Variants in DCBLD2 observed in about 807,000 individuals in gnomAD.
The protein encoded by DCBLD2 is discoidin, CUB and LCCL domain-containing protein 2.
DCBLD2 carries 54 observed loss-of-function variants against 86.8 expected under a neutral mutation model. That is an observed-to-expected ratio of 0.62 (90% CI 0.50 to 0.78). The LOEUF (loss-of-function observed/expected upper bound fraction) is 0.78, where lower values mean the gene tolerates loss of function less well. Ranked by LOEUF, DCBLD2 falls within the 30% of genes least tolerant of loss-of-function variation. The probability of loss-of-function intolerance (pLI) is 0.00; values close to 1 mark genes in which losing one functional copy is unlikely to be tolerated. For missense variants in DCBLD2, 908 were observed against 954.2 expected, an observed-to-expected ratio of 0.95 and a Z score of 0.64; for synonymous variants, 354 against 341.3, an observed-to-expected ratio of 1.04 and a Z score of -0.41.
intron 1 of DCBLD2, among the ~76,000 whole-genome samples, chr3:98,893,947 T>C (rs1306840000): frequency 6.6e-6 from 1 of 152,200 alleles, no homozygotes; most frequent in Non-Finnish European, 1.5e-5. Context: ...CCAGACCTCA[T>C]TTGTGGCAGA....
chr3:98,818,411 T>G (rs1054690419), intron 8 of DCBLD2, among the ~76,000 whole-genome samples: 2 of 152,206 alleles, frequency 1.3e-5, no homozygotes, highest in African/African-American at 4.8e-5. Context: ...GACCGTTATT[T>G]TAGATGTCTC....
chr3:98,877,146 T>C (rs1327439733), intron 2 of DCBLD2, among the ~76,000 whole-genome samples: 2 of 152,110 alleles, frequency 1.3e-5, no homozygotes, highest in Non-Finnish European at 2.9e-5. Flanking sequence ...TGTTAATGTT[T>C]AACATATTCA....
In DCBLD2 at chr3:98,811,534, G is replaced by C. The variant is rs1559770270; in HGVS notation, c.1384C>G (p.Gln462Glu). ...IPKGRPPKLT[Q>E]PPPPRNSNDL... The stretch of plus-strand genomic sequence containing the variant: ...TTGCTGTTCCGAGGAGGTGGAGGTT[G>C]AGTAAGTTTTGGAGGACGACCTTGA... Residue 462 changes from glutamine (Q) to glutamate (E), a missense_variant, in exon 11 of 16, where the codon CAA (glutamine) becomes GAA (glutamate). By Grantham distance (29) the Gln-to-Glu change is conservative. This residue lies in a region of DCBLD2 where 606 missense variants were observed against 678.5 expected (regional missense o/e 0.89). Coordinates refer to ENST00000326840, the MANE Select transcript of DCBLD2 (RefSeq NM_080927.4). The C allele has an allele frequency of 1.9e-6, 3 of 1,586,080 alleles. No individual in the cohort carries two copies. Among genetic ancestry groups the C allele is most frequent in the Non-Finnish European group, 2.6e-6 (3 of 1,169,098 alleles).
intron 7 of DCBLD2, 120 bp downstream of exon 7, chr3:98,820,128 C>G: frequency 3.9e-6 from 2 of 514,404 alleles, no homozygotes; most frequent in Non-Finnish European, 6.2e-6. Flanking sequence ...TATCTTACCT[C>G]ATAGTGTTAT....
intron 13 of DCBLD2, among the ~76,000 whole-genome samples, chr3:98,803,790 T>C (rs1183643996): frequency 1.3e-5 from 2 of 152,150 alleles, no homozygotes; most frequent in African/African-American, 2.4e-5. Context: ...TTTTCTGCAT[T>C]TATTGAGATA....
chr3:98,819,610 A>G (rs1365139746), intron 7 of DCBLD2, among the ~76,000 whole-genome samples, 193 bp from the exon 8 acceptor site: 2 of 152,216 alleles, frequency 1.3e-5, no homozygotes, highest in African/African-American at 4.8e-5. Context: ...GGAAACCTAC[A>G]AACATGCTCA....
chr3:98,799,637 T>C lies in DCBLD2; in HGVS notation c.2063A>G (p.His688Arg), dbSNP rs1941678592. The C allele has an allele frequency of 6.2e-7, 1 of 1,613,834 alleles. No individual in the cohort carries two copies. Among genetic ancestry groups the C allele is most frequent in the Non-Finnish European group, 8.5e-7 (1 of 1,179,880 alleles). The change falls in exon 16 of 16, where the codon CAC (histidine) becomes CGC (arginine). Residue 688 changes from histidine (H) to arginine (R), a missense_variant. Physicochemically the swap from His to Arg is conservative, Grantham distance 29 (BLOSUM62 0). Transcript: ENST00000326840. ...GGGCTGACCAACTGAAGTTGTGGGG[T>C]GCCCTGACATGTCCATGATGATTGG... ...ATPIIMDMSG[H>R]PTTSVGQPST...
intron 2 of DCBLD2, among the ~76,000 whole-genome samples, chr3:98,860,626 G>C (rs1280209547): frequency 6.6e-6 from 1 of 152,174 alleles, no homozygotes; most frequent in Non-Finnish European, 1.5e-5. Flanking sequence ...GCCAAACTAA[G>C]CTTCATAAGT....
chr3:98,863,792 C>A (rs966029008), intron 2 of DCBLD2, among the ~76,000 whole-genome samples: 6 of 152,202 alleles, frequency 3.9e-5, no homozygotes, highest in African/African-American at 1.4e-4. Context: ...CCATTCAGGA[C>A]ATAGGCATGG....
chr3:98,802,763 A>G (rs896371567), intron 13 of DCBLD2, among the ~76,000 whole-genome samples: 1 of 152,228 alleles, frequency 6.6e-6, no homozygotes, highest in South Asian at 2.1e-4. Context: ...AGCTTTCTAC[A>G]TATGGCTAGC....
chr3:98,866,947 C>T (rs1338140299), intron 2 of DCBLD2, among the ~76,000 whole-genome samples: 1 of 152,176 alleles, frequency 6.6e-6, no homozygotes, highest in Non-Finnish European at 1.5e-5. Context: ...TTCCCAGAAC[C>T]ATTTATTAAA....
At chr3:98,801,808 T>C in intron 13 of DCBLD2, 159 bp from the exon 14 acceptor site, 3 of 525,158 alleles carry the variant, frequency 5.7e-6, no homozygotes, top group Admixed American at 3.4e-5. Flanking sequence ...ATGCGGTGTT[T>C]GGTTTTTTGT....
At chr3:98,845,705 G>A (rs1280106929) in intron 3 of DCBLD2, among the ~76,000 whole-genome samples, 2 of 152,120 alleles carry the variant, frequency 1.3e-5, no homozygotes, top group African/African-American at 4.8e-5. Context: ...TACATTTTCT[G>A]TAAGGTTCAG....
chr3:98,870,322 C>T (rs1299783796), intron 2 of DCBLD2, among the ~76,000 whole-genome samples: 3 of 152,122 alleles, frequency 2.0e-5, no homozygotes, highest in African/African-American at 7.2e-5. Context: ...TACCAGTTGT[C>T]ATACTGTGTT....
chr3:98,895,868 A>T (rs915009550), intron 1 of DCBLD2, among the ~76,000 whole-genome samples: 1 of 152,214 alleles, frequency 6.6e-6, no homozygotes, highest in Non-Finnish European at 1.5e-5. Flanking sequence ...ATACTGAGGT[A>T]CATGCACACT....
At chr3:98,859,746 A>C (rs893147945) in intron 2 of DCBLD2, among the ~76,000 whole-genome samples, 1 of 152,238 alleles carries the variant, frequency 6.6e-6, no homozygotes, top group Non-Finnish European at 1.5e-5. Flanking sequence ...TCAAAGACCA[A>C]AGGTAGATAA....
chr3:98,857,250 T>G (rs1479511478), intron 2 of DCBLD2, among the ~76,000 whole-genome samples: 1 of 152,100 alleles, frequency 6.6e-6, no homozygotes, highest in Non-Finnish European at 1.5e-5. Flanking sequence ...ACCTTTGCGG[T>G]GAGTGTTACA....
intron 3 of DCBLD2, among the ~76,000 whole-genome samples, chr3:98,833,712 G>A (rs1270157681): frequency 2.0e-5 from 3 of 152,170 alleles, no homozygotes; most frequent in Non-Finnish European, 4.4e-5. Flanking sequence ...CCACTTTTTG[G>A]TGAGATGGGT....
intron 2 of DCBLD2, among the ~76,000 whole-genome samples, chr3:98,862,673 T>C (rs7375069): frequency 0.97 from 147,986 of 152,296 alleles, 72,060 homozygotes; most frequent in East Asian, 1. Flanking sequence ...TTCAACAGCC[T>C]TTTATCCTAA....
Sources: gnomAD v4.1 joint callset for allele counts (sites outside exome capture counted in the v4.1 genomes callset) on GRCh38, gnomAD v4.1.1 for gene constraint, gnomAD v4.1.1 regional missense constraint, MANE v1.5 for transcripts, NCBI Gene and HGNC (gene_info 2026-07-23, HGNC 2026-07-21) for gene names.